Variants in CPD observed in about 807,000 individuals in gnomAD.
The protein encoded by CPD is metallocarboxypeptidase D.
A neutral mutation model predicts 138.3 loss-of-function variants in CPD; 69 were observed. The ratio of observed to expected loss-of-function variants is 0.50; its 90% CI spans 0.41 to 0.61. The LOEUF is 0.61. Among genes scored for constraint, CPD ranks in the 20% least tolerant of loss-of-function variants. CPD has a pLI of 0.00. For synonymous variants in CPD, 651 were observed against 642.1 expected, an observed-to-expected ratio of 1.01 and a Z score of -0.21; for missense variants, 1,432 against 1,733.3, an observed-to-expected ratio of 0.83 and a Z score of 3.09.
chr17:30,467,705 T>G lies in CPD; in HGVS notation c.*2891T>G, dbSNP rs1459996400. The G allele has an allele frequency of 1.3e-5, 2 of 152,214 alleles. No individual in the cohort carries two copies. Among genetic ancestry groups the G allele is most frequent in the Non-Finnish European group, 2.9e-5 (2 of 68,016 alleles). The allele number at this position is 152,214 out of a possible 1,614,324, so 9.4% of individuals were successfully genotyped here. On this transcript the variant is annotated 3_prime_UTR_variant, in exon 21 of 21. Transcript: ENST00000225719. ...AGGTAGTGTTTATGTCTGAGCTTAT[T>G]GTGTTTGAGCTAACACCAGGTTACT...
chr17:30,401,667 G>A (rs1256008798), intron 2 of CPD, among the ~76,000 whole-genome samples: 1 of 151,970 alleles, frequency 6.6e-6, no homozygotes, highest in Non-Finnish European at 1.5e-5. Context: ...TGTATTTTTT[G>A]TAGAGACAGG....
At chr17:30,412,342 C>T (rs1191933394) in intron 2 of CPD, among the ~76,000 whole-genome samples, 1 of 152,238 alleles carries the variant, frequency 6.6e-6, no homozygotes, top group Non-Finnish European at 1.5e-5. Flanking sequence ...CAGGGACCCA[C>T]TTGAAGAGGC....
At chr17:30,432,258 C>T (rs1457096997) in intron 8 of CPD, among the ~76,000 whole-genome samples, 3 of 152,188 alleles carry the variant, frequency 2.0e-5, no homozygotes, top group Non-Finnish European at 2.9e-5. Context: ...CACACAGCCA[C>T]AGCTATATTT....
intron 12 of CPD, 34 bp from the exon 13 acceptor site, chr17:30,449,511 GCTTGATTA>G: frequency 1.3e-6 from 2 of 1,513,080 alleles, no homozygotes; most frequent in Non-Finnish European, 1.8e-6. Context: ...TTAACATAGT[GCTTGATTA>G]CTTGCTGATT....
At chr17:30,428,148 T>C (rs1412108653) in intron 7 of CPD, among the ~76,000 whole-genome samples, 4 of 152,182 alleles carry the variant, frequency 2.6e-5, no homozygotes, top group African/African-American at 7.2e-5. Context: ...TGCAGCAGAG[T>C]GACCACATTC....
chr17:30,430,955 C>T (rs1054660277), intron 7 of CPD, among the ~76,000 whole-genome samples: 1 of 152,158 alleles, frequency 6.6e-6, no homozygotes, highest in Non-Finnish European at 1.5e-5. Context: ...CTGTACGCAG[C>T]CCCTGTATTC....
In CPD at chr17:30,465,088, T is replaced by C. The variant is rs1184773573; in HGVS notation, c.*274T>C. 5.3e-6 allele frequency: 2 copies of C among 375,914 alleles called. No individual in the cohort carries two copies. The highest frequency in any genetic ancestry group is 9.8e-6 in the Non-Finnish European group (2 of 203,268). 23.3% of individuals were successfully genotyped at this position (375,914 alleles called of 1,614,324 possible). ...TTTAAGATGAGCTATTTGGAGCTTA[T>C]GTAATAATGGCATAAAGCCAACTAG... On this transcript the variant is annotated 3_prime_UTR_variant, in exon 21 of 21. Coordinates refer to ENST00000225719, the MANE Select transcript of CPD (RefSeq NM_001304.5).
intron 14 of CPD, among the ~76,000 whole-genome samples, chr17:30,453,233 T>C (rs1452553764): frequency 6.6e-6 from 1 of 152,218 alleles, no homozygotes; most frequent in African/African-American, 2.4e-5. Flanking sequence ...AGGTCCCTTC[T>C]GCCTCTGAGG....
At chr17:30,427,318 C>A in intron 6 of CPD, 73 bp from the exon 7 acceptor site, 1 of 1,392,344 alleles carries the variant, frequency 7.2e-7, no homozygotes, top group Non-Finnish European at 1.0e-6. Flanking sequence ...GTTAAGGTAT[C>A]TAAAGTAGTA....
intron 2 of CPD, among the ~76,000 whole-genome samples, chr17:30,416,070 C>T (rs1567872978): frequency 1.3e-5 from 2 of 152,120 alleles, no homozygotes; most frequent in South Asian, 2.1e-4. Flanking sequence ...CGGTGGGTCA[C>T]GCCTGTAATC....
At chr17:30,383,507 C>T (rs1195161686) in intron 1 of CPD, among the ~76,000 whole-genome samples, 1 of 152,190 alleles carries the variant, frequency 6.6e-6, no homozygotes, top group African/African-American at 2.4e-5. Context: ...CACCAAATGG[C>T]ATTCTTCTCT....
intron 2 of CPD, among the ~76,000 whole-genome samples, chr17:30,389,078 C>T (rs1443336185): frequency 6.6e-6 from 1 of 152,210 alleles, no homozygotes; most frequent in African/African-American, 2.4e-5. Flanking sequence ...TTCCTCTCTG[C>T]CTGACTACAT....
At chr17:30,437,734 T>C (rs1243520776) in intron 8 of CPD, among the ~76,000 whole-genome samples, 2 of 151,102 alleles carry the variant, frequency 1.3e-5, no homozygotes, top group African/African-American at 4.9e-5. Flanking sequence ...AGCATGCATA[T>C]AATTATTACA....
chr17:30,459,072 T>C (rs1913381837), intron 17 of CPD, among the ~76,000 whole-genome samples: 1 of 150,832 alleles, frequency 6.6e-6, no homozygotes, highest in African/African-American at 2.4e-5. Context: ...GAGTTTACCA[T>C]AGATGTGTGG....
intron 2 of CPD, among the ~76,000 whole-genome samples, chr17:30,406,754 C>T (rs1036035687): frequency 6.6e-6 from 1 of 152,070 alleles, no homozygotes; most frequent in African/African-American, 2.4e-5. Flanking sequence ...TTAAATTTTA[C>T]ATATGCAAAA....
At chr17:30,436,410 T>A (rs187843881) in intron 8 of CPD, among the ~76,000 whole-genome samples, 1 of 152,266 alleles carries the variant, frequency 6.6e-6, no homozygotes, top group Non-Finnish European at 1.5e-5. Flanking sequence ...TATAAAGAAC[T>A]CTTATGGCTA....
At chr17:30,428,003 AC>A (rs1484524586) in intron 7 of CPD, among the ~76,000 whole-genome samples, 1 of 151,780 alleles carries the variant, frequency 6.6e-6, no homozygotes, top group East Asian at 1.9e-4. Context: ...CACATTGGGA[AC>A]TTGGTAACAT....
intron 8 of CPD, among the ~76,000 whole-genome samples, chr17:30,437,932 G>A (rs1054577985): frequency 6.6e-6 from 1 of 151,550 alleles, no homozygotes; most frequent in African/African-American, 2.4e-5. Flanking sequence ...AACCTCCTGG[G>A]GTCAAGCTAT....
intron 2 of CPD, among the ~76,000 whole-genome samples, chr17:30,387,971 T>C (rs1024002814): frequency 6.6e-5 from 10 of 152,166 alleles, no homozygotes; most frequent in Non-Finnish European, 1.5e-5. Context: ...GCATCTCCTC[T>C]CTGTAGGCAG....
Sources: gnomAD v4.1 joint callset for allele counts (sites outside exome capture counted in the v4.1 genomes callset) on GRCh38, gnomAD v4.1.1 for gene constraint, MANE v1.5 for transcripts, NCBI Gene and HGNC (gene_info 2026-07-23, HGNC 2026-07-21) for gene names.